MYCBP2: variants seen among roughly 807,000 people sequenced by gnomAD.
MYCBP2 encodes MYC binding protein 2, also known as E3 ubiquitin-protein ligase MYCBP2.
MYCBP2 carries 120 observed loss-of-function variants against 525.3 expected under a neutral mutation model. The observed-to-expected ratio is 0.23, with a 90% CI of 0.20 to 0.27. The LOEUF (loss-of-function observed/expected upper bound fraction) is 0.27, where lower values mean the gene tolerates loss of function less well. Ranked by LOEUF, MYCBP2 falls within the 10% of genes least tolerant of loss-of-function variation. The pLI, the probability that MYCBP2 is intolerant of heterozygous loss-of-function variation, is 1.00. For synonymous variants in MYCBP2, 1,894 were observed against 1,955.8 expected (o/e 0.97, Z 0.83); for missense variants, 4,149 against 5,657.1 (o/e 0.73, Z 8.55).
intron 1 of MYCBP2, among the ~76,000 whole-genome samples, chr13:77,313,299 T>C (rs770482434): frequency 2.0e-5 from 3 of 151,902 alleles, no homozygotes; most frequent in East Asian, 3.8e-4. Flanking sequence ...CTTAAGAAAT[T>C]AGAACAGCAA....
At position 77,263,782 on chromosome 13, in the gene MYCBP2, A is replaced by T; in HGVS notation, c.1439T>A (p.Phe480Tyr). ...NQIAASRDDG[F>Y]VVRIFATSTE... Reference sequence around the variant, plus strand: ...GCTTGTGGCAAATATTCTGACAACAAAGCCATCCTAAGAAAAATAAAACAT... The same window carrying T: ...GCTTGTGGCAAATATTCTGACAACATAGCCATCCTAAGAAAAATAAAACAT... The change falls in exon 10 of 83, where the codon TTT (phenylalanine) becomes TAT (tyrosine). Residue 480 changes from phenylalanine to tyrosine, a missense_variant. Physicochemically the swap from Phe to Tyr is conservative, Grantham distance 22. Coordinates refer to ENST00000544440, the MANE Select transcript of MYCBP2 (RefSeq NM_015057.5). The T allele has an allele frequency of 6.2e-7, 1 of 1,612,924 alleles. No homozygotes were observed. The highest frequency in any genetic ancestry group is 1.7e-5 in the Admixed American group (1 of 59,876).
intron 1 of MYCBP2, among the ~76,000 whole-genome samples, chr13:77,318,521 C>T (rs758739253): frequency 2.0e-5 from 3 of 152,144 alleles, no homozygotes; most frequent in Non-Finnish European, 2.9e-5. Flanking sequence ...TTTGGGAGAA[C>T]GAGGCAGGCG....
chr13:77,175,549 T>C (rs909232541), intron 36 of MYCBP2, among the ~76,000 whole-genome samples: 1 of 152,248 alleles, frequency 6.6e-6, no homozygotes, highest in African/African-American at 2.4e-5. Context: ...GTACCGATCT[T>C]ATCCAAAATT....
chr13:77,196,435 G>C (rs2061757522), intron 26 of MYCBP2, among the ~76,000 whole-genome samples: 1 of 152,052 alleles, frequency 6.6e-6, no homozygotes, highest in African/African-American at 2.4e-5. Flanking sequence ...AACAAATGGG[G>C]TGAGGACAGA....
intron 21 of MYCBP2, among the ~76,000 whole-genome samples, chr13:77,215,015 A>C (rs1460089173): frequency 3.3e-5 from 5 of 152,192 alleles, no homozygotes; most frequent in African/African-American, 1.2e-4. Flanking sequence ...AAACACAAGA[A>C]GAATAAACTG....
At chr13:77,166,966 AACACACACATACACACAC>A (rs1264828620) in intron 40 of MYCBP2, among the ~76,000 whole-genome samples, 1 of 123,880 alleles carries the variant, frequency 8.1e-6, no homozygotes, top group Admixed American at 9.2e-5. Flanking sequence ...TCAAAGACAA[AACACACACATACACACAC>A]ACACACACAC....
At chr13:77,213,925 G>A (rs1038692241) in intron 21 of MYCBP2, among the ~76,000 whole-genome samples, 4 of 152,154 alleles carry the variant, frequency 2.6e-5, no homozygotes, top group African/African-American at 7.2e-5. Context: ...TCCACCCACC[G>A]GCTACTGCAA....
Position 77,125,326 on chromosome 13 carries a change from G to T in MYCBP2, c.8017+10C>A. 1 of 1,613,322 alleles carries T rather than the reference G, an allele frequency of 6.2e-7. No individual in the cohort carries two copies. Among genetic ancestry groups the T allele is most frequent in the Non-Finnish European group, 8.5e-7 (1 of 1,179,528 alleles). ...TAATTGGAATAAATCACAAATTTAAGCCAACTTGCCATCTTCATGTCGGAG... is the reference window on the plus strand; with the variant it reads ...TAATTGGAATAAATCACAAATTTAATCCAACTTGCCATCTTCATGTCGGAG... On this transcript the variant is annotated intron_variant, in intron 54 of 82. Transcript: ENST00000544440.
intron 39 of MYCBP2, among the ~76,000 whole-genome samples, chr13:77,169,010 C>G (rs1387732513): frequency 1.3e-5 from 2 of 152,174 alleles, no homozygotes; most frequent in African/African-American, 4.8e-5. Flanking sequence ...GACCATTTGG[C>G]ATCAACCTCA....
At chr13:77,150,667 A>T in intron 47 of MYCBP2, 67 bp downstream of exon 47, 1 of 1,292,032 alleles carries the variant, frequency 7.7e-7, no homozygotes, top group Non-Finnish European at 1.1e-6. Context: ...CATCTGAATC[A>T]CTGAAATGTT....
chr13:77,282,811 C>T (rs375571804), intron 3 of MYCBP2, among the ~76,000 whole-genome samples: 27 of 152,316 alleles, frequency 1.8e-4, no homozygotes, highest in African/African-American at 5.8e-4. Flanking sequence ...TAAAGGCCCT[C>T]ACCACACAAA....
At chr13:77,117,817 A>T (rs2050038097) in intron 55 of MYCBP2, among the ~76,000 whole-genome samples, 1 of 152,176 alleles carries the variant, frequency 6.6e-6, no homozygotes, top group East Asian at 1.9e-4. Context: ...GTGAATTACT[A>T]TCATGAATGA....
chr13:77,167,602 A>C (rs1043398056), intron 40 of MYCBP2, among the ~76,000 whole-genome samples: 3 of 152,204 alleles, frequency 2.0e-5, no homozygotes, highest in African/African-American at 7.2e-5. Flanking sequence ...CAAATTATTA[A>C]AAATTTACAT....
chr13:77,051,027 GA>G lies in MYCBP2; in HGVS notation c.13890del (p.Pro4631LeufsTer17). 1 of 1,612,966 alleles carries G rather than the reference GA, an allele frequency of 6.2e-7. No individual in the cohort carries two copies. On this transcript the variant is annotated frameshift_variant, in exon 82 of 83. Coordinates refer to ENST00000544440, the MANE Select transcript of MYCBP2 (RefSeq NM_015057.5). LOFTEE classifies it high-confidence loss of function. Reference protein sequence around the residue: ...CHDDFQRMTSIPKEELPHCPA... With the variant: ...CHDDFQRMTSXPKEELPHCPA... ...GGACAGTGTGGTAGTTCTTCCTTAG[GA>G]ATGCTAGTCATTCTTTGAAAATCAT...
chr13:77,318,713 C>A (rs2081250662), intron 1 of MYCBP2, among the ~76,000 whole-genome samples: 1 of 152,226 alleles, frequency 6.6e-6, no homozygotes, highest in South Asian at 2.1e-4. Flanking sequence ...GAGATCGCAC[C>A]ACTGCACTCT....
chr13:77,281,576 A>G (rs974196046), intron 3 of MYCBP2, among the ~76,000 whole-genome samples: 5 of 152,140 alleles, frequency 3.3e-5, no homozygotes, highest in African/African-American at 1.2e-4. Context: ...CTGCTCTCAA[A>G]TAATTAAATT....
At chr13:77,064,242 G>T (rs1161452322) in intron 73 of MYCBP2, among the ~76,000 whole-genome samples, 1 of 152,216 alleles carries the variant, frequency 6.6e-6, no homozygotes, top group Non-Finnish European at 1.5e-5. Context: ...ATAGGCAGGG[G>T]TCTTGTCTCC....
At chr13:77,183,291 C>T (rs1372915511) in intron 32 of MYCBP2, among the ~76,000 whole-genome samples, 15 of 151,994 alleles carry the variant, frequency 9.9e-5, no homozygotes. Flanking sequence ...TTCCAAAAGA[C>T]TTTGTAAAAG....
chr13:77,163,907 C>T (rs977203764), intron 43 of MYCBP2, among the ~76,000 whole-genome samples: 2 of 152,192 alleles, frequency 1.3e-5, no homozygotes, highest in African/African-American at 4.8e-5. Flanking sequence ...ACTGTTCCTT[C>T]ACAGTCTCAT....
Sources: allele counts gnomAD v4.1 joint callset (sites outside exome capture counted in the v4.1 genomes callset), GRCh38; gene constraint gnomAD v4.1.1; transcripts MANE v1.5; gene names NCBI Gene and HGNC (gene_info 2026-07-23, HGNC 2026-07-21).